Variants in MYO5B observed in about 807,000 individuals in gnomAD.
The protein encoded by MYO5B is myosin VB.
MYO5B carries 143 observed loss-of-function variants against 229.3 expected under a neutral mutation model. The observed-to-expected ratio is 0.62, with a 90% CI of 0.54 to 0.72. MYO5B has a LOEUF of 0.72. Ranked by LOEUF, MYO5B falls within the 30% of genes least tolerant of loss-of-function variation. The probability of loss-of-function intolerance (pLI) is 0.00; values close to 1 mark genes in which losing one functional copy is unlikely to be tolerated. For synonymous variants in MYO5B, 918 were observed against 885.2 expected, an observed-to-expected ratio of 1.04 and a Z score of -0.66; for missense variants, 2,321 against 2,331.0, an observed-to-expected ratio of 1.00 and a Z score of 0.09.
rs1029655181 is a variant in MYO5B, at chr18:49,864,433, C to A, written c.3604-53G>T. On this transcript the variant is annotated intron_variant, in intron 27 of 39. Coordinates refer to ENST00000285039, the MANE Select transcript of MYO5B (RefSeq NM_001080467.3). ...ATTACTCCCTGCCCTAGGGCTCTCT[C>A]CCTGTGTGGGCCTCCCCTCCTCCCC... 3 of 1,601,306 alleles carry A rather than the reference C, an allele frequency of 1.9e-6. No individual in the cohort carries two copies. In the African/African-American group the frequency reaches 4.0e-5, roughly 21 times the overall value.
Position 49,972,094 on chromosome 18 carries a change from A to G in MYO5B, c.1322+2256T>C, listed in dbSNP as rs149563120. 2.9e-4 allele frequency among the ~76,000 whole-genome samples: 44 copies of G among 152,264 alleles called. 1 individual carries two copies. The East Asian group carries it at 8.3e-3, about 29-fold the overall frequency. ...GGAGCCCGGAAGCCACTCTGAGATG[A>G]AGGAGACACAGGTGAGGAGCTGGCA... On this transcript the variant is annotated intron_variant, in intron 10 of 39. Transcript: ENST00000285039.
intron 14 of MYO5B, among the ~76,000 whole-genome samples, chr18:49,942,523 A>G (rs2025328405): frequency 6.6e-6 from 1 of 151,954 alleles, no homozygotes; most frequent in Non-Finnish European, 1.5e-5. Context: ...TACAAGAAAA[A>G]AACAAACAAC....
intron 1 of MYO5B, among the ~76,000 whole-genome samples, chr18:50,064,777 T>A (rs1352856570): frequency 6.6e-6 from 1 of 152,224 alleles, no homozygotes; most frequent in Non-Finnish European, 1.5e-5. Flanking sequence ...ATTTATGCAG[T>A]CTAAGTTTGC....
At chr18:50,141,934 G>A (rs1335153821) in intron 1 of MYO5B, among the ~76,000 whole-genome samples, 1 of 152,216 alleles carries the variant, frequency 6.6e-6, no homozygotes, top group Non-Finnish European at 1.5e-5. Flanking sequence ...TCAAGAAAGA[G>A]AAAATCATCC....
intron 1 of MYO5B, among the ~76,000 whole-genome samples, chr18:50,118,220 C>A (rs2031997635): frequency 6.6e-6 from 1 of 152,186 alleles, no homozygotes; most frequent in South Asian, 2.1e-4. Context: ...CCTGGCTCAG[C>A]AACAAAAGGC....
intron 1 of MYO5B, among the ~76,000 whole-genome samples, chr18:50,168,046 T>C (rs2032877964): frequency 2.0e-5 from 3 of 152,250 alleles, no homozygotes. Context: ...ATTGCACTTA[T>C]ATGAAGTACC....
intron 5 of MYO5B, among the ~76,000 whole-genome samples, chr18:49,994,994 A>C (rs1342429376): frequency 6.6e-6 from 1 of 152,198 alleles, no homozygotes; most frequent in East Asian, 1.9e-4. Flanking sequence ...CTTACGGGAA[A>C]ACTTAGGCTT....
intron 1 of MYO5B, among the ~76,000 whole-genome samples, chr18:50,086,677 G>A (rs923575212): frequency 6.6e-6 from 1 of 152,206 alleles, no homozygotes; most frequent in Admixed American, 6.5e-5. Context: ...TTGTGGAAAT[G>A]CCAAGGCTGG....
intron 1 of MYO5B, among the ~76,000 whole-genome samples, chr18:50,069,444 C>T (rs972587548): frequency 6.6e-6 from 1 of 152,074 alleles, no homozygotes; most frequent in African/African-American, 2.4e-5. Context: ...TCCCATCCCC[C>T]GAGTCTTCAG....
intron 10 of MYO5B, 114 bp from the exon 11 acceptor site, chr18:49,963,144 T>C (rs1322738916): frequency 1.2e-5 from 10 of 803,590 alleles, no homozygotes; most frequent in South Asian, 1.2e-4. Context: ...AGAATCCCCA[T>C]TGTCTCATCT....
At chr18:50,045,768 G>C (rs1321066837) in intron 2 of MYO5B, among the ~76,000 whole-genome samples, 1 of 152,204 alleles carries the variant, frequency 6.6e-6, no homozygotes, top group Non-Finnish European at 1.5e-5. Flanking sequence ...TGACACATTA[G>C]ACAACTGAGA....
chr18:49,835,521 T>G (rs2023977279), intron 38 of MYO5B, 97 bp from the exon 39 acceptor site: 1 of 816,536 alleles, frequency 1.2e-6, no homozygotes, highest in African/African-American at 1.7e-5. Flanking sequence ...AAGAGTATGA[T>G]CCTCTTTAGA....
chr18:50,140,473 C>G (rs1057405944), intron 1 of MYO5B, among the ~76,000 whole-genome samples: 3 of 152,162 alleles, frequency 2.0e-5, no homozygotes, highest in African/African-American at 4.8e-5. Context: ...TGTTTCTCAC[C>G]TGGGCTAATG....
chr18:50,162,359 A>G (rs1303865446), intron 1 of MYO5B, among the ~76,000 whole-genome samples: 2 of 149,974 alleles, frequency 1.3e-5, no homozygotes, highest in Middle Eastern at 3.4e-3. Context: ...ACCACTCCTG[A>G]TAGGAATCCC....
intron 22 of MYO5B, 95 bp from the exon 23 acceptor site, chr18:49,880,550 T>C: frequency 1.0e-6 from 1 of 955,154 alleles, no homozygotes; most frequent in Non-Finnish European, 1.7e-6. Flanking sequence ...TACATGTAAA[T>C]GCTCTTTTTA....
At chr18:50,138,576 T>C (rs956660052) in intron 1 of MYO5B, among the ~76,000 whole-genome samples, 2 of 152,092 alleles carry the variant, frequency 1.3e-5, no homozygotes, top group Admixed American at 1.3e-4. Flanking sequence ...CCTGTCCACC[T>C]TGGTGGAGCT....
chr18:50,100,263 T>C (rs1177610867), intron 1 of MYO5B, among the ~76,000 whole-genome samples: 2 of 152,254 alleles, frequency 1.3e-5, no homozygotes, highest in Non-Finnish European at 2.9e-5. Flanking sequence ...GACATCTGCT[T>C]CTGCTAAATC....
At chr18:50,031,250 C>G (rs924161707) in intron 4 of MYO5B, among the ~76,000 whole-genome samples, 8 of 152,162 alleles carry the variant, frequency 5.3e-5, no homozygotes, top group African/African-American at 1.9e-4. Flanking sequence ...CAGATTGGGT[C>G]TGGGTTCCAT....
intron 5 of MYO5B, among the ~76,000 whole-genome samples, chr18:49,994,888 C>T (rs2025970689): frequency 6.6e-6 from 1 of 152,188 alleles, no homozygotes; most frequent in African/African-American, 2.4e-5. Flanking sequence ...ATTTCCCGGA[C>T]CTTCAACATA....
Sources: gnomAD v4.1 joint callset for allele counts (sites outside exome capture counted in the v4.1 genomes callset) on GRCh38, gnomAD v4.1.1 for gene constraint, MANE v1.5 for transcripts, NCBI Gene and HGNC (gene_info 2026-07-23, HGNC 2026-07-21) for gene names.